IPO11: variants seen among roughly 807,000 people sequenced by gnomAD.
The protein encoded by IPO11 is importin 11.
In IPO11, 66 loss-of-function variants were observed where a neutral mutation model predicts 143.2. The observed-to-expected ratio is 0.46, with a 90% CI of 0.38 to 0.57. The LOEUF is 0.57. Ranked by LOEUF, IPO11 falls within the 20% of genes least tolerant of loss-of-function variation. The pLI is 0.00. For missense variants in IPO11, 1,026 were observed against 1,141.0 expected (o/e 0.90, Z 1.45); for synonymous variants, 385 against 377.8 (o/e 1.02, Z -0.22).
intron 5 of IPO11, among the ~76,000 whole-genome samples, chr5:62,464,643 A>AT (rs1324675122): frequency 6.6e-6 from 1 of 151,070 alleles, no homozygotes; most frequent in African/African-American, 2.4e-5. Context: ...TGCCTGGTTA[A>AT]TTTTTTTTGT....
intron 4 of IPO11, among the ~76,000 whole-genome samples, chr5:62,450,707 A>G (rs947498759): frequency 8.8e-5 from 13 of 148,428 alleles, no homozygotes; most frequent in Admixed American, 6.1e-4. Flanking sequence ...GTTTTTTTCT[A>G]TTGGTTGCAT....
At chr5:62,525,356 C>CT (rs70981021) in intron 20 of IPO11, among the ~76,000 whole-genome samples, 131 of 144,504 alleles carry the variant, frequency 9.1e-4, no homozygotes, top group East Asian at 4.0e-3. Context: ...TCCTCCCATC[C>CT]TTTTTTTTTT....
At chr5:62,428,175 C>A (rs1194350099) in intron 1 of IPO11, among the ~76,000 whole-genome samples, 1 of 151,914 alleles carries the variant, frequency 6.6e-6, no homozygotes, top group Middle Eastern at 3.2e-3. Flanking sequence ...GAGTTAACAT[C>A]AATTGTTGTT....
intron 28 of IPO11, among the ~76,000 whole-genome samples, chr5:62,592,582 C>T (rs767188325): frequency 6.6e-6 from 1 of 152,060 alleles, no homozygotes; most frequent in Admixed American, 6.6e-5. Flanking sequence ...TTAGTCCATT[C>T]TCACGCTGCT....
intron 27 of IPO11, among the ~76,000 whole-genome samples, chr5:62,571,026 A>G (rs529070782): frequency 6.6e-6 from 1 of 152,354 alleles, no homozygotes; most frequent in African/African-American, 2.4e-5. Flanking sequence ...AGCTCCAACA[A>G]GGATAACACT....
At chr5:62,616,904 C>A (rs959763214) in intron 29 of IPO11, among the ~76,000 whole-genome samples, 1 of 152,104 alleles carries the variant, frequency 6.6e-6, no homozygotes, top group Non-Finnish European at 1.5e-5. Flanking sequence ...TATTGATACA[C>A]CATTTGATGA....
chr5:62,427,728 T>TC (rs568519942), intron 1 of IPO11, among the ~76,000 whole-genome samples: 2 of 151,914 alleles, frequency 1.3e-5, no homozygotes, highest in East Asian at 1.9e-4. Flanking sequence ...CCAGAAACCA[T>TC]CCCCCCCTGC....
intron 24 of IPO11, among the ~76,000 whole-genome samples, chr5:62,545,927 C>T (rs1191670752): frequency 2.6e-4 from 40 of 151,916 alleles, no homozygotes; most frequent in Admixed American, 1.6e-3. Flanking sequence ...AGAATGGCAA[C>T]CATTAAAAAG....
chr5:62,591,732 A>C (rs1745026923), intron 28 of IPO11, 60 bp downstream of exon 28: 4 of 1,131,782 alleles, frequency 3.5e-6, no homozygotes, highest in Middle Eastern at 2.1e-4. Flanking sequence ...TACATGCTGC[A>C]TGATTTTTTT....
At chr5:62,462,355 A>G (rs1745389993) in intron 5 of IPO11, among the ~76,000 whole-genome samples, 1 of 151,938 alleles carries the variant, frequency 6.6e-6, no homozygotes, top group Non-Finnish European at 1.5e-5. Flanking sequence ...GTTCTTTGGT[A>G]CTTTTTATTC....
chr5:62,624,541 GCTT>G (rs1400180630), intron 29 of IPO11, among the ~76,000 whole-genome samples: 1 of 152,152 alleles, frequency 6.6e-6, no homozygotes, highest in Non-Finnish European at 1.5e-5. Flanking sequence ...GTTTTAGCCA[GCTT>G]CTTTACCGCA....
chr5:62,432,827 G>A (rs921765037), intron 1 of IPO11, among the ~76,000 whole-genome samples: 3 of 152,150 alleles, frequency 2.0e-5, no homozygotes, highest in Admixed American at 1.3e-4. Flanking sequence ...TGTGGGCTGC[G>A]TATTTCATCA....
intron 24 of IPO11, among the ~76,000 whole-genome samples, chr5:62,547,096 G>C (rs1391265664): frequency 6.6e-6 from 1 of 152,160 alleles, no homozygotes; most frequent in Non-Finnish European, 1.5e-5. Context: ...ACAGCTATTT[G>C]AGAAGAATAT....
At chr5:62,471,754 T>C (rs1745779082) in intron 7 of IPO11, among the ~76,000 whole-genome samples, 2 of 152,210 alleles carry the variant, frequency 1.3e-5, no homozygotes. Context: ...GACTAATTTT[T>C]TAAAAAAGAG....
At position 62,602,120 on chromosome 5, in the gene IPO11, CA is replaced by C. The variant is rs541146832; in HGVS notation, c.2763+275del. On this transcript the variant is annotated intron_variant, in intron 29 of 29. Coordinates refer to ENST00000325324, the MANE Select transcript of IPO11 (RefSeq NM_016338.5). ...ACTTATGGAAGGTATGTGTGACCTG[CA>C]AACCTTATTTAAGTTGAAATGTTTA... Among the ~76,000 whole-genome samples the C allele has an allele frequency of 2.4e-4, 36 of 152,276 alleles. 1 individual carries two copies. In the East Asian group the frequency reaches 6.4e-3, roughly 27 times the overall value.
In IPO11 at chr5:62,506,283, C is replaced by A; in HGVS notation, c.1708C>A (p.Gln570Lys). Residue 570 changes from glutamine (Q) to lysine (K), a missense_variant, in exon 19 of 30, where the codon CAA becomes AAA. This residue lies in a region of IPO11 where 237 missense variants were observed against 288.0 expected (regional missense o/e 0.82). Transcript: ENST00000325324. ...MFTLLFQLLQ[Q>K]VTECDTKMHV... is the part of the protein sequence containing the mutation. ...CACACTACTTTTTCAGTTACTGCAG[C>A]AAGTTACAGAATGTGACACAAAGAT... is the stretch of plus-strand genomic sequence containing the variant. 6.2e-7 allele frequency: 1 copy of A among 1,610,444 alleles called. No individual in the cohort carries two copies. Among genetic ancestry groups the A allele is most frequent in the South Asian group, 1.1e-5 (1 of 90,778 alleles).
intron 29 of IPO11, among the ~76,000 whole-genome samples, chr5:62,625,654 G>A (rs968768852): frequency 5.3e-5 from 8 of 152,296 alleles, no homozygotes; most frequent in African/African-American, 1.7e-4. Context: ...GAATTTTTCC[G>A]ATCTATATTC....
In IPO11 at chr5:62,591,623, G is replaced by A. The variant is rs1165706072; in HGVS notation, c.2629G>A (p.Gly877Ser). The change falls in exon 28 of 30, where the codon GGC becomes AGC. Residue 877 changes from glycine (G) to serine (S), a missense_variant. By Grantham distance (56) the Gly-to-Ser change is moderately conservative. Coordinates refer to ENST00000325324, the MANE Select transcript of IPO11 (RefSeq NM_016338.5). ...FCGIINISVE[G>S]LHDVMTEDPE... is the part of the protein sequence containing the mutation. ...TGGGATTATAAACATTTCAGTAGAA[G>A]GCCTGCATGATGTCATGACGGAAGA... 5.0e-6 allele frequency: 8 copies of A among 1,608,752 alleles called. No individual in the cohort carries two copies. Among genetic ancestry groups the A allele is most frequent in the East Asian group, 2.2e-5 (1 of 44,590 alleles).
intron 5 of IPO11, among the ~76,000 whole-genome samples, chr5:62,466,751 A>G (rs1157389702): frequency 6.6e-6 from 1 of 152,224 alleles, no homozygotes; most frequent in Non-Finnish European, 1.5e-5. Context: ...TCATATATTG[A>G]TTTATCTGAC....
Sources: gnomAD v4.1 joint callset for allele counts (sites outside exome capture counted in the v4.1 genomes callset) on GRCh38, gnomAD v4.1.1 for gene constraint, gnomAD v4.1.1 regional missense constraint, MANE v1.5 for transcripts, NCBI Gene and HGNC (gene_info 2026-07-23, HGNC 2026-07-21) for gene names.